Variants in PCSK6 observed in about 807,000 individuals in gnomAD.
PCSK6 encodes proprotein convertase subtilisin/kexin type 6, also known as paired basic amino acid cleaving enzyme 4.
A neutral mutation model predicts 123.3 loss-of-function variants in PCSK6; 85 were observed. The observed-to-expected ratio is 0.69, with a 90% CI of 0.58 to 0.83. PCSK6 has a LOEUF of 0.83. PCSK6 is among the 40% of genes least tolerant of loss of function. The probability of loss-of-function intolerance (pLI) is 0.00; values close to 1 mark genes in which losing one functional copy is unlikely to be tolerated. For synonymous variants in PCSK6, 508 were observed against 516.0 expected, an observed-to-expected ratio of 0.98 and a Z score of 0.21; for missense variants, 1,191 against 1,282.3, an observed-to-expected ratio of 0.93 and a Z score of 1.09.
chr15:101,333,842 G>A (rs545316410), intron 13 of PCSK6, among the ~76,000 whole-genome samples: 42 of 152,292 alleles, frequency 2.8e-4, no homozygotes, highest in Admixed American at 5.9e-4. Context: ...CCACTGGTGC[G>A]ATTCGAAATG....
rs376114283 is a variant in PCSK6 at position 101,313,191 on chromosome 15, A to C, written c.2699+185T>G. On this transcript the variant is annotated intron_variant, in intron 20 of 21. Transcript: ENST00000611716. ...TGTCTGCCCACAGCAGGGACCCAAC[A>C]AATATGCATCCAGTGAACAAAGGGA... The C allele has an allele frequency of 2.6e-4, 399 of 1,521,966 alleles. 2 individuals carry two copies. Among genetic ancestry groups the C allele is most frequent in the Non-Finnish European group, 5.0e-5 (56 of 1,127,554 alleles). The allele number at this position is 1,521,966 out of a possible 1,614,324, so 94.3% of individuals were successfully genotyped here.
chr15:101,310,998 G>C (rs1043077755), intron 20 of PCSK6, among the ~76,000 whole-genome samples: 2 of 152,210 alleles, frequency 1.3e-5, no homozygotes, highest in African/African-American at 4.8e-5. Context: ...GTGGGGCCTG[G>C]TGGGAGGTGT....
rs369879412 is a variant in PCSK6, at chr15:101,384,352, C to T, written c.1384G>A (p.Asp462Asn). The change falls in exon 10 of 22, where the codon GAC (aspartate) becomes AAC (asparagine). Residue 462 changes from aspartate to asparagine, a missense_variant. Around this residue, in one of 3 missense-constraint regions of PCSK6, gnomAD observed 357 missense variants for 484.5 expected, o/e 0.74. Coordinates refer to ENST00000611716, the MANE Select transcript of PCSK6 (RefSeq NM_002570.5). The part of the protein sequence containing the change: ...TSRPAHLKAS[D>N]WKVNGAGHKV... The stretch of plus-strand genomic sequence containing the variant: ...TGACCCGCGCCGTTCACTTTCCAGT[C>T]GCTCGCTTTCAGGTGGGCCGGCCGG... 1.3e-4 allele frequency: 202 copies of T among 1,613,686 alleles called. No individual in the cohort carries two copies. Among genetic ancestry groups the T allele is most frequent in the Middle Eastern group, 3.3e-4 (2 of 6,080 alleles).
chr15:101,318,443 G>C, intron 18 of PCSK6, 21 bp from the exon 19 acceptor site: 1 of 1,534,406 alleles, frequency 6.5e-7, no homozygotes, highest in Non-Finnish European at 8.8e-7. Flanking sequence ...GAAAGAGGCA[G>C]ATTTCCACAT....
intron 12 of PCSK6, among the ~76,000 whole-genome samples, 179 bp downstream of exon 12, chr15:101,370,156 T>G (rs1400554220): frequency 6.6e-6 from 1 of 152,098 alleles, no homozygotes; most frequent in African/African-American, 2.4e-5. Context: ...ACTTTTAAGG[T>G]TTTTGGGGCC....
intron 6 of PCSK6, among the ~76,000 whole-genome samples, chr15:101,412,653 T>C (rs1418886495): frequency 1.4e-5 from 2 of 142,780 alleles, no homozygotes; most frequent in Non-Finnish European, 3.0e-5. Flanking sequence ...GGCTCAGTAA[T>C]AGAACCCACA....
chr15:101,396,229 C>A (rs1487026448), intron 7 of PCSK6, among the ~76,000 whole-genome samples: 2 of 152,204 alleles, frequency 1.3e-5, no homozygotes, highest in Non-Finnish European at 2.9e-5. Flanking sequence ...CCCTCTGCAA[C>A]TTCCCCACTC....
At chr15:101,383,409 C>CAAA (rs35670221) in intron 10 of PCSK6, among the ~76,000 whole-genome samples, 405 of 74,076 alleles carry the variant, frequency 5.5e-3, no homozygotes, top group African/African-American at 0.011. Context: ...GACTCTGTCT[C>CAAA]AAAAAAAAAA....
At chr15:101,395,112 A>G (rs1332655288) in intron 7 of PCSK6, among the ~76,000 whole-genome samples, 2 of 152,200 alleles carry the variant, frequency 1.3e-5, no homozygotes. Context: ...TCCAGGTGAG[A>G]ATTAGTCCTA....
Position 101,325,040 on chromosome 15 carries a change from G to A in PCSK6, c.2187C>T (p.Cys729=), listed in dbSNP as rs759858337. ...SLGSVKTSRK[C]VSVCPLGYFG... ...AGTAGCCCAAGGGGCACACACTCAC[G>A]CACTTCCTGTAGGAGCAAAGGCAGG... The change falls in exon 17 of 22, where the codon TGC becomes TGT. Residue 729 remains cysteine (C), a synonymous_variant. Transcript: ENST00000611716. 1.6e-5 allele frequency: 25 copies of A among 1,605,974 alleles called. No homozygotes were observed. The highest frequency in any genetic ancestry group is 3.3e-4 in the Middle Eastern group (2 of 6,066).
intron 1 of PCSK6, among the ~76,000 whole-genome samples, chr15:101,471,981 C>T (rs2057615980): frequency 6.6e-6 from 1 of 152,106 alleles, no homozygotes; most frequent in South Asian, 2.1e-4. Context: ...GAATGTATCA[C>T]ATTTGTTTTT....
chr15:101,395,757 G>A (rs191054845), intron 7 of PCSK6, among the ~76,000 whole-genome samples: 137 of 152,310 alleles, frequency 9.0e-4, no homozygotes, highest in Non-Finnish European at 1.9e-3. Context: ...GGGAGGGAGA[G>A]TTCATTTCAT....
chr15:101,340,069 A>G (rs2040566684), intron 13 of PCSK6, among the ~76,000 whole-genome samples: 1 of 152,192 alleles, frequency 6.6e-6, no homozygotes, highest in Non-Finnish European at 1.5e-5. Flanking sequence ...CAAGTAAGAG[A>G]AAGGTAAAAA....
intron 8 of PCSK6, among the ~76,000 whole-genome samples, chr15:101,391,393 A>C (rs541237431): frequency 1.4e-4 from 21 of 152,290 alleles, no homozygotes; most frequent in African/African-American, 5.1e-4. Context: ...CCAGCTTCAG[A>C]GAAGGGGGTC....
At chr15:101,328,538 CGGA>C (rs1264048654) in intron 15 of PCSK6, among the ~76,000 whole-genome samples, 1 of 152,144 alleles carries the variant, frequency 6.6e-6, no homozygotes, top group Non-Finnish European at 1.5e-5. Flanking sequence ...AGGATGTCCT[CGGA>C]GGAGGACAGC....
intron 1 of PCSK6, among the ~76,000 whole-genome samples, chr15:101,455,103 T>G (rs1034703221): frequency 6.6e-6 from 1 of 152,178 alleles, no homozygotes; most frequent in Admixed American, 6.5e-5. Flanking sequence ...ACTATACACT[T>G]ACAAACAGGT....
intron 20 of PCSK6, chr15:101,308,184 T>A (rs1013680466): frequency 6.6e-6 from 1 of 152,350 alleles, no homozygotes; most frequent in Non-Finnish European, 1.5e-5. Flanking sequence ...ACCCCGGCTA[T>A]GCTGCTGCCT....
chr15:101,334,964 T>C (rs1308170148), intron 13 of PCSK6, among the ~76,000 whole-genome samples: 2 of 152,160 alleles, frequency 1.3e-5, no homozygotes, highest in Non-Finnish European at 2.9e-5. Context: ...TGTGTATGTG[T>C]GTATGTGTGT....
intron 7 of PCSK6, among the ~76,000 whole-genome samples, chr15:101,394,128 CG>C (rs369533924): frequency 1.5e-4 from 19 of 129,842 alleles, no homozygotes; most frequent in South Asian, 5.1e-4. Context: ...GTTTTCTTTC[CG>C]TTTTTTTGTT....
Sources: allele counts gnomAD v4.1 joint callset (sites outside exome capture counted in the v4.1 genomes callset), GRCh38; gene constraint gnomAD v4.1.1; regional missense constraint gnomAD v4.1.1; transcripts MANE v1.5; gene names NCBI Gene and HGNC (gene_info 2026-07-23, HGNC 2026-07-21).